Variants in TAFA5 observed in about 807,000 individuals in gnomAD.
The protein encoded by TAFA5 is chemokine-like protein TAFA-5.
In TAFA5, 6 loss-of-function variants were observed where a neutral mutation model predicts 15.3. That is an observed-to-expected ratio of 0.39 (90% confidence interval 0.21 to 0.77). TAFA5 has a LOEUF of 0.77. TAFA5 is among the 30% of genes least tolerant of loss of function. TAFA5 has a pLI of 0.41. For synonymous variants in TAFA5, 103 were observed against 80.7 expected (o/e 1.28, Z -1.48); for missense variants, 161 against 193.1 (o/e 0.83, Z 0.98).
At chr22:48,618,885 T>C (rs1925708783) in intron 1 of TAFA5, among the ~76,000 whole-genome samples, 1 of 152,080 alleles carries the variant, frequency 6.6e-6, no homozygotes, top group South Asian at 2.1e-4. Flanking sequence ...TAGGCCCCCC[T>C]CGCCTGCACA....
At chr22:48,556,346 C>G (rs1160560282) in intron 1 of TAFA5, among the ~76,000 whole-genome samples, 3 of 152,188 alleles carry the variant, frequency 2.0e-5, no homozygotes, top group African/African-American at 7.2e-5. Context: ...GTGGCTGCAT[C>G]TCCATCCTGC....
chr22:48,554,665 G>A (rs979612888), intron 1 of TAFA5, among the ~76,000 whole-genome samples: 1 of 152,122 alleles, frequency 6.6e-6, no homozygotes, highest in African/African-American at 2.4e-5. Flanking sequence ...AATATTAAAA[G>A]CTATTGTTTT....
chr22:48,605,270 A>T, intron 1 of TAFA5, among the ~76,000 whole-genome samples: 1 of 40,800 alleles, frequency 2.5e-5, no homozygotes, highest in African/African-American at 1.0e-4. Flanking sequence ...GATGGTGAGG[A>T]TGATGGTGAT....
At chr22:48,635,750 G>C (rs1387677170) in intron 1 of TAFA5, among the ~76,000 whole-genome samples, 1 of 152,164 alleles carries the variant, frequency 6.6e-6, no homozygotes, top group African/African-American at 2.4e-5. Flanking sequence ...GTGGCACTGG[G>C]CGTTTTTGAT....
chr22:48,702,120 TGTGTGTGA>T (rs957931733), intron 2 of TAFA5, among the ~76,000 whole-genome samples: 6 of 93,102 alleles, frequency 6.4e-5, no homozygotes, highest in Non-Finnish European at 1.2e-4. Context: ...ACAGTGGACT[TGTGTGTGA>T]GTGTGTGTGT....
At chr22:48,725,511 C>T (rs1042289889) in intron 3 of TAFA5, among the ~76,000 whole-genome samples, 1 of 151,916 alleles carries the variant, frequency 6.6e-6, no homozygotes, top group Non-Finnish European at 1.5e-5. Context: ...ATGGCCGTGA[C>T]CCAGGAGCCA....
chr22:48,749,768 G>T, intron 3 of TAFA5, 71 bp from the exon 4 acceptor site: 1 of 1,528,504 alleles, frequency 6.5e-7, no homozygotes, highest in South Asian at 1.2e-5. Flanking sequence ...GAGGGAAGAG[G>T]AGCCTGTGTT....
At chr22:48,491,254 G>A (rs1928144061) in intron 1 of TAFA5, among the ~76,000 whole-genome samples, 1 of 152,152 alleles carries the variant, frequency 6.6e-6, no homozygotes, top group Non-Finnish European at 1.5e-5. Flanking sequence ...GTATGTGGGG[G>A]GATTCCCTAG....
chr22:48,576,388 C>A, intron 1 of TAFA5: 4 of 1,213,734 alleles, frequency 3.3e-6, no homozygotes, highest in Non-Finnish European at 4.1e-6. Flanking sequence ...CGCGAGCGGG[C>A]GGCCGCGGAG....
intron 2 of TAFA5, among the ~76,000 whole-genome samples, chr22:48,659,546 G>T (rs1354318700): frequency 6.6e-6 from 1 of 152,242 alleles, no homozygotes; most frequent in African/African-American, 2.4e-5. Context: ...CCAAGTCAGG[G>T]AGCCCTTCCG....
At chr22:48,582,529 A>T (rs1326832219) in intron 1 of TAFA5, among the ~76,000 whole-genome samples, 16 of 151,116 alleles carry the variant, frequency 1.1e-4, no homozygotes, top group Non-Finnish European at 1.8e-4. Context: ...TACACCACAC[A>T]CAAAATACAC....
intron 1 of TAFA5, among the ~76,000 whole-genome samples, chr22:48,608,638 T>A (rs1432105441): frequency 6.6e-6 from 1 of 152,198 alleles, no homozygotes; most frequent in East Asian, 1.9e-4. Context: ...TTTTAGAGAA[T>A]CCTCTTGGCG....
At chr22:48,602,876 G>T (rs573737187) in intron 1 of TAFA5, among the ~76,000 whole-genome samples, 1 of 152,202 alleles carries the variant, frequency 6.6e-6, no homozygotes, top group African/African-American at 2.4e-5. Context: ...TGGGGCCATT[G>T]AGACGTGCGG....
At chr22:48,644,681 C>T (rs544313307) in intron 1 of TAFA5, among the ~76,000 whole-genome samples, 13 of 152,320 alleles carry the variant, frequency 8.5e-5, no homozygotes, top group African/African-American at 2.6e-4. Flanking sequence ...TGACAGGTGA[C>T]AAGGCAGGTG....
intron 1 of TAFA5, among the ~76,000 whole-genome samples, chr22:48,612,506 C>T (rs1264759931): frequency 6.6e-6 from 1 of 152,098 alleles, no homozygotes; most frequent in African/African-American, 2.4e-5. Context: ...CAGGTGGCCT[C>T]GTCTCTCCTG....
chr22:48,661,315 C>T (rs1399360715), intron 2 of TAFA5, among the ~76,000 whole-genome samples: 1 of 152,156 alleles, frequency 6.6e-6, no homozygotes, highest in Non-Finnish European at 1.5e-5. Flanking sequence ...GGAACCTTGC[C>T]CCAGCCCTCT....
chr22:48,589,678 T>TAGAAG (rs1357642155), intron 1 of TAFA5, among the ~76,000 whole-genome samples: 1 of 148,322 alleles, frequency 6.7e-6, no homozygotes, highest in Non-Finnish European at 1.5e-5. Context: ...GGCAAGTCCT[T>TAGAAG]AGAAGAGAAG....
chr22:48,510,421 G>C (rs1023902694), intron 1 of TAFA5, among the ~76,000 whole-genome samples: 1 of 152,242 alleles, frequency 6.6e-6, no homozygotes, highest in African/African-American at 2.4e-5. Context: ...AAGACATCCA[G>C]ATGTTCACCA....
intron 2 of TAFA5, among the ~76,000 whole-genome samples, chr22:48,653,774 C>T (rs953461157): frequency 6.6e-6 from 1 of 152,160 alleles, no homozygotes; most frequent in Non-Finnish European, 1.5e-5. Flanking sequence ...TTGAATGTCC[C>T]CCTCTGTGAA....
Sources: allele counts gnomAD v4.1 joint callset (sites outside exome capture counted in the v4.1 genomes callset), GRCh38; gene constraint gnomAD v4.1.1; transcripts MANE v1.5; gene names NCBI Gene and HGNC (gene_info 2026-07-23, HGNC 2026-07-21).